Variants in SDCBP2 observed in about 807,000 individuals in gnomAD.
SDCBP2 encodes the protein syntenin-2.
Under a neutral mutation model 30.7 loss-of-function variants are expected in SDCBP2, and 28 were observed. The ratio of observed to expected loss-of-function variants is 0.91; its 90% CI spans 0.68 to 1.25. The LOEUF (loss-of-function observed/expected upper bound fraction) is 1.25, where lower values mean the gene tolerates loss of function less well. Among genes scored for constraint, SDCBP2 ranks in the 50% most tolerant of loss-of-function variants. The probability of loss-of-function intolerance (pLI) is 0.00; values close to 1 mark genes in which losing one functional copy is unlikely to be tolerated. For synonymous variants in SDCBP2, 166 were observed against 157.3 expected (o/e 1.06, Z -0.41); for missense variants, 399 against 379.0 (o/e 1.05, Z -0.44).
At chr20:1,317,755 G>A (rs750460984) in intron 4 of SDCBP2, 13 of 212,070 alleles carry the variant, frequency 6.1e-5, no homozygotes, top group Non-Finnish European at 1.3e-4. Context: ...CAGTTTCATC[G>A]GCTCAGGACG....
intron 1 of SDCBP2, among the ~76,000 whole-genome samples, chr20:1,327,416 C>T (rs1282875255): frequency 6.6e-6 from 1 of 152,150 alleles, no homozygotes; most frequent in African/African-American, 2.4e-5. Context: ...GGGAGGGAAG[C>T]GTGGGTTAGA....
chr20:1,310,782 G>A lies in SDCBP2; in HGVS notation c.824+18C>T. ...GCAGAGGAGGGGTGAGGAGGGGTGA[G>A]GAGGGGTGCAGCCTTACTTTTTGAC... On this transcript the variant is annotated intron_variant, in intron 8 of 8. Coordinates refer to ENST00000360779, the MANE Select transcript of SDCBP2 (RefSeq NM_080489.5). 1 of 1,601,008 alleles carries A rather than the reference G, an allele frequency of 6.2e-7. No homozygotes were observed. The highest frequency in any genetic ancestry group is 8.5e-7 in the Non-Finnish European group (1 of 1,169,814).
At position 1,313,768 on chromosome 20, in the gene SDCBP2, A is replaced by T. The variant is rs958507484; in HGVS notation, c.226-270T>A. ...GAAGAGGCCCTTCATTTCCCAAGGGAAACTGGCATCAGGAAAAGCCTCCTT... is the reference window on the plus strand; with the variant it reads ...GAAGAGGCCCTTCATTTCCCAAGGGTAACTGGCATCAGGAAAAGCCTCCTT... On this transcript the variant is annotated intron_variant, in intron 4 of 8. Coordinates refer to ENST00000360779, the MANE Select transcript of SDCBP2 (RefSeq NM_080489.5). This position sits in a 1 kb window ranked among gnomAD's most constrained non-coding sequence, Gnocchi z 5.2. The T allele has an allele frequency of 5.4e-5, 42 of 777,426 alleles. No individual in the cohort carries two copies. The highest frequency in any genetic ancestry group is 8.9e-5 in the Admixed American group (2 of 22,364). 48.2% of individuals were successfully genotyped at this position (777,426 alleles called of 1,614,324 possible). A position where few individuals can be genotyped will look rare whatever the true frequency, so the allele number is the denominator to read the frequency against.
chr20:1,319,523 G>C, intron 3 of SDCBP2, 67 bp downstream of exon 3: 2 of 1,494,676 alleles, frequency 1.3e-6, no homozygotes, highest in African/African-American at 1.4e-5. Context: ...GCATTGCCAA[G>C]CTTCCCTGAT....
intron 8 of SDCBP2, 94 bp downstream of exon 8, chr20:1,310,706 T>A: frequency 8.6e-7 from 1 of 1,159,180 alleles, no homozygotes; most frequent in Non-Finnish European, 1.3e-6. Context: ...ACTGAGAAAG[T>A]GGAAGTGGCT....
chr20:1,319,791 A>C, intron 2 of SDCBP2, 132 bp from the exon 3 acceptor site: 1 of 660,118 alleles, frequency 1.5e-6, no homozygotes, highest in Non-Finnish European at 2.5e-6. Flanking sequence ...AGTGTGCACC[A>C]ACCCTCAGGG....
At position 1,324,240 on chromosome 20, in the gene SDCBP2, A is replaced by G. The variant is rs1240992426; in HGVS notation, c.-19-3805T>C. Reference sequence around the variant, plus strand: ...GATTAATATCTGGGTATTTTCTTACACTGGACCTCACTCATAAGGGCAGGA... The same window carrying G: ...GATTAATATCTGGGTATTTTCTTACGCTGGACCTCACTCATAAGGGCAGGA... On this transcript the variant is annotated intron_variant, in intron 1 of 8. Transcript: ENST00000360779. This position sits in a 1 kb window ranked among gnomAD's most constrained non-coding sequence, Gnocchi z 4.7. The G allele has an allele frequency of 6.6e-6, 1 of 152,096 alleles. No individual in the cohort carries two copies. The highest frequency in any genetic ancestry group is 1.5e-5 in the Non-Finnish European group (1 of 68,036). 9.4% of individuals were successfully genotyped at this position (152,096 alleles called of 1,614,324 possible).
chr20:1,318,314 A>T lies in SDCBP2; in HGVS notation c.225+4T>A, dbSNP rs1468673237. The T allele has an allele frequency of 6.2e-7, 1 of 1,606,584 alleles. No homozygotes were observed. Among genetic ancestry groups the T allele is most frequent in the Admixed American group, 1.7e-5 (1 of 60,014 alleles). On this transcript the variant is annotated splice_donor_region_variant and intron_variant, in intron 4 of 8. Coordinates refer to ENST00000360779, the MANE Select transcript of SDCBP2 (RefSeq NM_080489.5). Reference sequence around the variant, plus strand: ...CCCGCAGCAGGCAGAAGCCAAATACATACACTGTCACCCTCTGGAATCTGA... The same window carrying T: ...CCCGCAGCAGGCAGAAGCCAAATACTTACACTGTCACCCTCTGGAATCTGA...
chr20:1,327,941 TA>T (rs1454569822), intron 1 of SDCBP2, among the ~76,000 whole-genome samples: 3 of 152,224 alleles, frequency 2.0e-5, no homozygotes, highest in Non-Finnish European at 4.4e-5. Flanking sequence ...AAGAGCTGGA[TA>T]AATAGGCTTT....
At chr20:1,326,461 G>GGTT (rs903179710) in intron 1 of SDCBP2, among the ~76,000 whole-genome samples, 1 of 152,148 alleles carries the variant, frequency 6.6e-6, no homozygotes, top group African/African-American at 2.4e-5. Context: ...GACTACTTTA[G>GGTT]GTTGAGTCCT....
Position 1,312,876 on chromosome 20 carries a change from C to T in SDCBP2, c.385-114G>A, listed in dbSNP as rs373833770. The T allele has an allele frequency of 2.7e-4, 320 of 1,172,604 alleles. 3 individuals are homozygous for T. In the South Asian group the frequency reaches 4.8e-3, roughly 18 times the overall value. 72.6% of individuals were successfully genotyped at this position (1,172,604 alleles called of 1,614,324 possible). A position where few individuals can be genotyped will look rare whatever the true frequency, so the allele number is the denominator to read the frequency against. On this transcript the variant is annotated intron_variant, in intron 5 of 8. Transcript: ENST00000360779. The stretch of plus-strand genomic sequence containing the variant: ...CCAGGAACCTACAGGGTGCCAGGGA[C>T]ACAGCTCTGCATGGCAGGCACCAAG...
At chr20:1,328,134 G>A (rs964932818) in intron 1 of SDCBP2, among the ~76,000 whole-genome samples, 6 of 152,194 alleles carry the variant, frequency 3.9e-5, no homozygotes, top group African/African-American at 1.4e-4. Flanking sequence ...GTGTTTAGAG[G>A]ACATCTGCCA....
chr20:1,326,642 G>A (rs919869249), intron 1 of SDCBP2, among the ~76,000 whole-genome samples: 1 of 152,150 alleles, frequency 6.6e-6, no homozygotes, highest in African/African-American at 2.4e-5. Context: ...TTCTCTAGAC[G>A]ACAGCATTTC....
rs1366410119 is a variant in SDCBP2, at chr20:1,310,125, C to T, written c.*316G>A. ...ATGTGTAACTGTTTTCCTGGTAGAG[C>T]AAAATTTCTTGAAAGGGGCCCAGTT... is the stretch of plus-strand genomic sequence containing the variant. On this transcript the variant is annotated 3_prime_UTR_variant, in exon 9 of 9. Coordinates refer to ENST00000360779, the MANE Select transcript of SDCBP2 (RefSeq NM_080489.5). The T allele has an allele frequency of 7.2e-6, 2 of 278,188 alleles. No homozygotes were observed. Among genetic ancestry groups the T allele is most frequent in the Non-Finnish European group, 1.3e-5 (2 of 149,350 alleles). The allele number at this position is 278,188 out of a possible 1,614,324, so 17.2% of individuals were successfully genotyped here. A position where few individuals can be genotyped will look rare whatever the true frequency, so the allele number is the denominator to read the frequency against.
At chr20:1,318,292 G>C in intron 4 of SDCBP2, 26 bp downstream of exon 4, 1 of 1,507,164 alleles carries the variant, frequency 6.6e-7, no homozygotes, top group Non-Finnish European at 9.2e-7. Context: ...TTCTGCGCCC[G>C]CAGCAGGCAG....
intron 1 of SDCBP2, among the ~76,000 whole-genome samples, chr20:1,328,869 A>C (rs1392807613): frequency 6.6e-6 from 1 of 152,172 alleles, no homozygotes; most frequent in Non-Finnish European, 1.5e-5. Context: ...GTCTGGGTGA[A>C]GAAAATCACT....
At position 1,313,895 on chromosome 20, in the gene SDCBP2, C is replaced by T. The variant is rs2088727966; in HGVS notation, c.226-397G>A. Reference sequence around the variant, plus strand: ...AGAAAAATGTAAAAATATACAAATTCATGATGCAGAAAAAGGCAAGGAACT... The same window carrying T: ...AGAAAAATGTAAAAATATACAAATTTATGATGCAGAAAAAGGCAAGGAACT... On this transcript the variant is annotated intron_variant, in intron 4 of 8. Coordinates refer to ENST00000360779, the MANE Select transcript of SDCBP2 (RefSeq NM_080489.5). The surrounding 1 kb of genome is among the most constrained non-coding windows in gnomAD (Gnocchi z 5.2). Among the ~76,000 whole-genome samples the T allele has an allele frequency of 6.8e-6, 1 of 147,686 alleles. No individual in the cohort carries two copies. The highest frequency in any genetic ancestry group is 1.5e-5 in the Non-Finnish European group (1 of 67,388).
At position 1,310,563 on chromosome 20, in the gene SDCBP2, C is replaced by G. The variant is rs941347390; in HGVS notation, c.825-68G>C. Reference sequence around the variant, plus strand: ...CTCCACCCTCCAGCAACCTCCACCCCCTTCCGAGCCAGTGCATCCCATGTG... The same window carrying G: ...CTCCACCCTCCAGCAACCTCCACCCGCTTCCGAGCCAGTGCATCCCATGTG... On this transcript the variant is annotated intron_variant, in intron 8 of 8. Transcript: ENST00000360779. The G allele has an allele frequency of 7.0e-5, 104 of 1,475,588 alleles. No individual in the cohort carries two copies. In the African/African-American group the frequency reaches 8.7e-4, roughly 12 times the overall value. The allele number at this position is 1,475,588 out of a possible 1,614,324, so 91.4% of individuals were successfully genotyped here. A position where few individuals can be genotyped will look rare whatever the true frequency, so the allele number is the denominator to read the frequency against.
intron 7 of SDCBP2, 118 bp from the exon 8 acceptor site, chr20:1,311,009 T>G (rs747664215): frequency 5.7e-5 from 40 of 703,570 alleles, no homozygotes; most frequent in Admixed American, 3.5e-4. Context: ...GATGGCTGAC[T>G]GCAGGGCAGG....
Sources: allele counts gnomAD v4.1 joint callset (sites outside exome capture counted in the v4.1 genomes callset), GRCh38; gene constraint gnomAD v4.1.1; non-coding constraint Gnocchi (gnomAD v3.1); transcripts MANE v1.5; gene names NCBI Gene and HGNC (gene_info 2026-07-23, HGNC 2026-07-21).